The following STAG1 variants were observed in gnomAD, a reference collection of about 807,000 sequenced individuals.
STAG1 encodes the protein cohesin subunit SA-1.
STAG1 carries 26 observed loss-of-function variants against 170.9 expected under a neutral mutation model. The observed-to-expected ratio is 0.15, with a 90% CI of 0.11 to 0.21. The LOEUF is 0.21. Among genes scored for constraint, STAG1 ranks in the 10% least tolerant of loss-of-function variants. STAG1 has a pLI of 1.00. For missense variants in STAG1, 964 were observed against 1,509.5 expected, an observed-to-expected ratio of 0.64 and a Z score of 5.99; for synonymous variants, 514 against 497.7, an observed-to-expected ratio of 1.03 and a Z score of -0.44.
At chr3:136,744,786 G>A (rs1256106213) in intron 1 of STAG1, among the ~76,000 whole-genome samples, 5 of 148,598 alleles carry the variant, frequency 3.4e-5, no homozygotes, top group Admixed American at 1.4e-4. Context: ...AGCAATTCTC[G>A]TGCCTCAGCC....
intron 4 of STAG1, among the ~76,000 whole-genome samples, chr3:136,588,145 C>T (rs1937936722): frequency 6.6e-6 from 1 of 152,162 alleles, no homozygotes; most frequent in Non-Finnish European, 1.5e-5. Flanking sequence ...TGAATTCGCT[C>T]TTCACTTGCT....
intron 5 of STAG1, among the ~76,000 whole-genome samples, chr3:136,561,377 T>C (rs888657354): frequency 1.2e-4 from 18 of 152,238 alleles, no homozygotes; most frequent in African/African-American, 4.3e-4. Context: ...TATTTTTCTT[T>C]GTATTTGTTG....
rs745449070 is a variant in STAG1 at position 136,419,365 on chromosome 3, C to T, written c.2109-1393G>A. 7.9e-4 allele frequency among the ~76,000 whole-genome samples: 121 copies of T among 152,228 alleles called. 1 individual carries two copies. Among genetic ancestry groups the T allele is most frequent in the Non-Finnish European group, 1.5e-3 (103 of 68,002 alleles). On this transcript the variant is annotated intron_variant, in intron 20 of 33. Transcript: ENST00000383202. The stretch of plus-strand genomic sequence containing the variant: ...CTTTGGACAACAAAGTTCTTTTTGT[C>T]CTTTCTTCATGGAGAAGACCGGCAT...
At chr3:136,648,911 A>T (rs1010268397) in intron 1 of STAG1, among the ~76,000 whole-genome samples, 1 of 152,196 alleles carries the variant, frequency 6.6e-6, no homozygotes, top group African/African-American at 2.4e-5. Flanking sequence ...ATTTAATCAC[A>T]CCAGCTCCCT....
chr3:136,487,573 C>T (rs910348293), intron 9 of STAG1, among the ~76,000 whole-genome samples: 7 of 152,142 alleles, frequency 4.6e-5, no homozygotes, highest in Admixed American at 4.6e-4. Context: ...ATAAAAACTC[C>T]CTGGGTAACT....
At chr3:136,608,314 G>A (rs2107812624) in intron 3 of STAG1, among the ~76,000 whole-genome samples, 1 of 151,988 alleles carries the variant, frequency 6.6e-6, no homozygotes, top group East Asian at 1.9e-4. Context: ...GACAAGGTGG[G>A]GAGGATGACT....
chr3:136,686,929 C>T (rs1942549892), intron 1 of STAG1, among the ~76,000 whole-genome samples: 1 of 152,162 alleles, frequency 6.6e-6, no homozygotes. Flanking sequence ...GAGTCAGCTA[C>T]AGACCCAATT....
intron 22 of STAG1, among the ~76,000 whole-genome samples, chr3:136,386,103 C>T (rs1408059643): frequency 3.9e-5 from 6 of 152,010 alleles, no homozygotes; most frequent in Non-Finnish European, 8.8e-5. Flanking sequence ...TTTGGGAGGC[C>T]GAGGCAGGCG....
At chr3:136,732,134 G>T (rs1233811467) in intron 1 of STAG1, among the ~76,000 whole-genome samples, 1 of 151,240 alleles carries the variant, frequency 6.6e-6, no homozygotes, top group Non-Finnish European at 1.5e-5. Flanking sequence ...ACAGTTAGTG[G>T]CAGAGTTATA....
chr3:136,588,850 G>A (rs556578369), intron 4 of STAG1, among the ~76,000 whole-genome samples: 6 of 152,160 alleles, frequency 3.9e-5, no homozygotes, highest in African/African-American at 9.6e-5. Context: ...TGCAACCTCC[G>A]CTTCCAGCTT....
At chr3:136,414,172 T>C (rs2087707694) in intron 21 of STAG1, among the ~76,000 whole-genome samples, 1 of 151,124 alleles carries the variant, frequency 6.6e-6, no homozygotes, top group South Asian at 2.1e-4. Flanking sequence ...AAGATGACAG[T>C]GAAGTTTGCT....
rs375382545 is a variant in STAG1, at chr3:136,513,312, G to A, written c.676+7901C>T. 4.6e-5 allele frequency among the ~76,000 whole-genome samples: 7 copies of A among 151,882 alleles called. No homozygotes were observed. In the South Asian group the frequency reaches 8.3e-4, roughly 18 times the overall value. On this transcript the variant is annotated intron_variant, in intron 7 of 33. Coordinates refer to ENST00000383202, the MANE Select transcript of STAG1 (RefSeq NM_005862.3). ...GCATAGGTCATAGCGAGCCAAGATC[G>A]TGCCACCGTACTCCAGTCTGGGTGA... is the stretch of plus-strand genomic sequence containing the variant.
At chr3:136,712,694 C>CT (rs1424027492) in intron 1 of STAG1, among the ~76,000 whole-genome samples, 1 of 152,238 alleles carries the variant, frequency 6.6e-6, no homozygotes, top group Non-Finnish European at 1.5e-5. Flanking sequence ...TAAAACCACT[C>CT]TGGAAAACAA....
chr3:136,359,081 A>G (rs770490512), intron 27 of STAG1, 67 bp downstream of exon 27: 54 of 1,330,156 alleles, frequency 4.1e-5, no homozygotes, highest in Middle Eastern at 1.9e-4. Flanking sequence ...AATGGGTCAT[A>G]TAAGAGTTAT....
chr3:136,687,737 A>T (rs1469008293), intron 1 of STAG1, among the ~76,000 whole-genome samples: 11 of 141,798 alleles, frequency 7.8e-5, no homozygotes, highest in East Asian at 2.0e-4. Context: ...GAAGAGACCA[A>T]TTTTTTTTTT....
rs989127492 is a variant in STAG1, at chr3:136,433,305, A to AAT, written c.1650+249_1650+250dup. Among the ~76,000 whole-genome samples the AAT allele has an allele frequency of 6.7e-3, 1,015 of 151,122 alleles. 12 individuals are homozygous for AAT. The highest frequency in any genetic ancestry group is 0.023 in the African/African-American group (938 of 41,258). The stretch of plus-strand genomic sequence containing the variant: ...TTTTAATAGACGTAAAAATCCTTAA[A>AAT]ATATATATATATATAAAATACGTAA... On this transcript the variant is annotated intron_variant, in intron 16 of 33. Coordinates refer to ENST00000383202, the MANE Select transcript of STAG1 (RefSeq NM_005862.3).
intron 13 of STAG1, among the ~76,000 whole-genome samples, chr3:136,453,464 G>A (rs1188949657): frequency 7.9e-5 from 12 of 151,734 alleles, no homozygotes; most frequent in Admixed American, 6.6e-5. Context: ...GGTGGCGGGC[G>A]CCTGTAGTCC....
At chr3:136,407,148 T>G (rs1234595808) in intron 21 of STAG1, among the ~76,000 whole-genome samples, 1 of 152,142 alleles carries the variant, frequency 6.6e-6, no homozygotes, top group East Asian at 1.9e-4. Context: ...TGCCTCAGCC[T>G]CCTGAGTAGC....
At chr3:136,365,552 T>C (rs1379760899) in intron 25 of STAG1, among the ~76,000 whole-genome samples, 1 of 152,180 alleles carries the variant, frequency 6.6e-6, no homozygotes, top group African/African-American at 2.4e-5. Flanking sequence ...ATTTTTCATT[T>C]AGGTTGAGTG....
Sources: gnomAD v4.1 joint callset for allele counts (sites outside exome capture counted in the v4.1 genomes callset) on GRCh38, gnomAD v4.1.1 for gene constraint, MANE v1.5 for transcripts, NCBI Gene and HGNC (gene_info 2026-07-23, HGNC 2026-07-21) for gene names.